Variants in DOCK10 observed in about 807,000 individuals in gnomAD.
The protein encoded by DOCK10 is dedicator of cytokinesis 10, also known as dedicator of cytokinesis protein 10.
In DOCK10, 145 loss-of-function variants were observed where a neutral mutation model predicts 280.1. The observed-to-expected ratio is 0.52, with a 90% CI of 0.45 to 0.59. The LOEUF is 0.59. DOCK10 is among the 20% of genes least tolerant of loss of function. DOCK10 has a pLI of 0.00. For missense variants in DOCK10, 2,368 were observed against 2,651.7 expected (o/e 0.89, Z 2.35); for synonymous variants, 915 against 942.2 (o/e 0.97, Z 0.53).
In DOCK10 at chr2:224,864,930, G is replaced by A. The variant is rs1697789740; in HGVS notation, c.1415C>T (p.Pro472Leu). Reference sequence around the variant, plus strand: ...GATGTGAGGTTCTTCTGATTGTCTTGGAGTGATGGTGTCGATGTTGCCATT... The same window carrying A: ...GATGTGAGGTTCTTCTGATTGTCTTAGAGTGATGGTGTCGATGTTGCCATT... The part of the protein sequence containing the change: ...LENGNIDTIT[P>L]RQSEEPHIKG... Residue 472 changes from proline to leucine, a missense_variant, in exon 12 of 56, where the codon CCA becomes CTA. Pro to Leu is a moderately conservative substitution (Grantham distance 98). Transcript: ENST00000258390. The A allele has an allele frequency of 6.2e-7, 1 of 1,613,908 alleles. No homozygotes were observed. Among genetic ancestry groups the A allele is most frequent in the African/African-American group, 1.3e-5 (1 of 74,992 alleles).
At chr2:224,978,077 A>G (rs189183894) in intron 1 of DOCK10, among the ~76,000 whole-genome samples, 5 of 152,330 alleles carry the variant, frequency 3.3e-5, no homozygotes, top group Non-Finnish European at 7.3e-5. Context: ...AATATCAAAT[A>G]ATCAACAGAT....
intron 1 of DOCK10, among the ~76,000 whole-genome samples, chr2:225,035,568 ATATATATATATATAT>A (rs1690222538): frequency 1.8e-5 from 1 of 57,070 alleles, no homozygotes; most frequent in African/African-American, 4.7e-5. Flanking sequence ...ATATATATAT[ATATATATATATATAT>A]ATATAACACT....
At chr2:224,907,711 A>C (rs1169891870) in intron 3 of DOCK10, among the ~76,000 whole-genome samples, 1 of 150,004 alleles carries the variant, frequency 6.7e-6, no homozygotes, top group Non-Finnish European at 1.5e-5. Flanking sequence ...AAAAGAATAG[A>C]GGTTTGGCCA....
intron 1 of DOCK10, among the ~76,000 whole-genome samples, chr2:224,968,315 A>T (rs531942631): frequency 2.6e-5 from 4 of 152,340 alleles, no homozygotes; most frequent in Admixed American, 2.6e-4. Flanking sequence ...TAAACTTTTG[A>T]TTCATAAAAC....
At chr2:224,958,998 C>T (rs983738203) in intron 1 of DOCK10, among the ~76,000 whole-genome samples, 8 of 152,146 alleles carry the variant, frequency 5.3e-5, no homozygotes, top group South Asian at 2.1e-4. Flanking sequence ...GAAGGAGATC[C>T]GCTACCTAGA....
intron 1 of DOCK10, among the ~76,000 whole-genome samples, chr2:224,944,196 C>T (rs1317155878): frequency 6.6e-6 from 1 of 152,124 alleles, no homozygotes; most frequent in African/African-American, 2.4e-5. Context: ...TGTATTGACA[C>T]ATAGAAAGAT....
chr2:224,956,306 G>A lies in DOCK10; in HGVS notation c.124-24638C>T, dbSNP rs996283481. 3.3e-5 allele frequency among the ~76,000 whole-genome samples: 5 copies of A among 152,122 alleles called. No homozygotes were observed. The South Asian group carries it at 8.3e-4, about 25-fold the overall frequency. On this transcript the variant is annotated intron_variant, in intron 1 of 55. Transcript: ENST00000258390. ...AGGAGCTCAGTAGCTCTCATTTGGG[G>A]GGTTTAGTAATCTGGCTTTATAAAG...
intron 41 of DOCK10, among the ~76,000 whole-genome samples, chr2:224,798,799 T>C (rs1018839935): frequency 6.6e-6 from 1 of 152,022 alleles, no homozygotes; most frequent in African/African-American, 2.4e-5. Context: ...AGTTGACTAA[T>C]TTTTTAAATT....
chr2:224,807,295 T>C (rs771435555), intron 33 of DOCK10: 1 of 188,710 alleles, frequency 5.3e-6, no homozygotes, highest in African/African-American at 2.4e-5. Flanking sequence ...GGGTTGTGAC[T>C]ACAAATAAGG....
chr2:225,008,632 T>G (rs1689344091), intron 1 of DOCK10, among the ~76,000 whole-genome samples: 1 of 152,140 alleles, frequency 6.6e-6, no homozygotes, highest in South Asian at 2.1e-4. Flanking sequence ...TACTGTTATG[T>G]ACCAAAGACC....
chr2:225,035,558 ATAT>A (rs1690214600), intron 1 of DOCK10, among the ~76,000 whole-genome samples: 1 of 40,740 alleles, frequency 2.5e-5, no homozygotes, highest in African/African-American at 8.6e-5. Flanking sequence ...ATATATATAT[ATAT>A]ATATATATAT....
Position 224,979,752 on chromosome 2 carries a change from A to G in DOCK10, c.124-48084T>C, listed in dbSNP as rs539774641. ...TGATCACATCCCTATTGAACGTCTTACCGTTACATCCCGGCACTTTTCTAA... is the reference window on the plus strand; with the variant it reads ...TGATCACATCCCTATTGAACGTCTTGCCGTTACATCCCGGCACTTTTCTAA... On this transcript the variant is annotated intron_variant, in intron 1 of 55. Coordinates refer to ENST00000258390, the MANE Select transcript of DOCK10 (RefSeq NM_014689.3). Among the ~76,000 whole-genome samples the G allele has an allele frequency of 1.2e-3, 177 of 152,360 alleles. 1 individual carries two copies. The highest frequency in any genetic ancestry group is 4.1e-3 in the African/African-American group (170 of 41,576).
intron 1 of DOCK10, among the ~76,000 whole-genome samples, chr2:225,009,271 T>C (rs940688238): frequency 6.6e-6 from 1 of 152,208 alleles, no homozygotes; most frequent in Non-Finnish European, 1.5e-5. Flanking sequence ...TGTAATATTC[T>C]ACCTACCAAG....
At chr2:224,918,984 TGTG>T (rs1701517638) in intron 2 of DOCK10, among the ~76,000 whole-genome samples, 1 of 136,834 alleles carries the variant, frequency 7.3e-6, no homozygotes, top group Non-Finnish European at 1.6e-5. Flanking sequence ...TGTGTGTGTT[TGTG>T]GTAAGTGTAT....
chr2:224,774,202 C>T (rs1690662270), intron 52 of DOCK10, among the ~76,000 whole-genome samples: 1 of 152,192 alleles, frequency 6.6e-6, no homozygotes, highest in Admixed American at 6.5e-5. Flanking sequence ...ATCATTTCCT[C>T]CAGAATGCCC....
chr2:224,890,210 CTTCCAAAAGAATAA>C (rs1351374985), intron 4 of DOCK10, among the ~76,000 whole-genome samples: 1 of 152,176 alleles, frequency 6.6e-6, no homozygotes, highest in Non-Finnish European at 1.5e-5. Flanking sequence ...CTTATCCTTC[CTTCCAAAAGAATAA>C]TTTTGTAGGT....
At chr2:225,016,233 CAAAT>C (rs755266872) in intron 1 of DOCK10, among the ~76,000 whole-genome samples, 39 of 152,160 alleles carry the variant, frequency 2.6e-4, no homozygotes, top group African/African-American at 8.7e-4. Context: ...AGAGAAATGA[CAAAT>C]AAAACAGTTG....
chr2:225,015,964 T>C (rs148338885), intron 1 of DOCK10, among the ~76,000 whole-genome samples: 280 of 152,336 alleles, frequency 1.8e-3, no homozygotes, highest in African/African-American at 6.4e-3. Context: ...CCATTTTAGC[T>C]GGAAATTTCA....
Position 224,925,850 on chromosome 2 carries a change from C to T in DOCK10, c.243+5699G>A, listed in dbSNP as rs150882157. On this transcript the variant is annotated intron_variant, in intron 2 of 55. Transcript: ENST00000258390. ...TCTCAACTTTTTTTCTGCTATTTTGCATCAGTCTTTTCTTAAACTGAATCA... is the reference window on the plus strand; with the variant it reads ...TCTCAACTTTTTTTCTGCTATTTTGTATCAGTCTTTTCTTAAACTGAATCA... 1.2e-3 allele frequency among the ~76,000 whole-genome samples: 190 copies of T among 152,258 alleles called. 1 individual carries two copies. The highest frequency in any genetic ancestry group is 1.2e-4 in the Non-Finnish European group (8 of 68,014).
Sources: gnomAD v4.1 joint callset for allele counts (sites outside exome capture counted in the v4.1 genomes callset) on GRCh38, gnomAD v4.1.1 for gene constraint, MANE v1.5 for transcripts, NCBI Gene and HGNC (gene_info 2026-07-23, HGNC 2026-07-21) for gene names.